Variants in CHMP5 observed in about 807,000 individuals in gnomAD.
CHMP5 encodes charged multivesicular body protein 5.
A neutral mutation model predicts 33.0 loss-of-function variants in CHMP5; 17 were observed. The observed-to-expected ratio is 0.52, with a 90% CI of 0.35 to 0.77. CHMP5 has a LOEUF of 0.77. Among genes scored for constraint, CHMP5 ranks in the 30% least tolerant of loss-of-function variants. The pLI is 0.01. For missense variants in CHMP5, 216 were observed against 261.5 expected (o/e 0.83, Z 1.20); for synonymous variants, 76 against 90.2 (o/e 0.84, Z 0.89).
At chr9:33,270,059 T>A (rs973833880) in intron 3 of CHMP5, among the ~76,000 whole-genome samples, 3 of 152,190 alleles carry the variant, frequency 2.0e-5, no homozygotes, top group African/African-American at 7.2e-5. Flanking sequence ...AATACAGTCA[T>A]GTGCTGCATA....
At chr9:33,268,253 T>G (rs1820752622) in intron 3 of CHMP5, among the ~76,000 whole-genome samples, 1 of 152,266 alleles carries the variant, frequency 6.6e-6, no homozygotes, top group Non-Finnish European at 1.5e-5. Flanking sequence ...TGACTACTGT[T>G]TTGGACTGAC....
intron 1 of CHMP5, 113 bp downstream of exon 1, chr9:33,265,260 A>G (rs1820696756): frequency 1.0e-6 from 1 of 971,992 alleles, no homozygotes; most frequent in South Asian, 1.3e-5. Flanking sequence ...TGGGCCCCTT[A>G]CACGTCGTCC....
chr9:33,279,161 G>GT (rs1421665594), intron 7 of CHMP5, among the ~76,000 whole-genome samples: 3 of 152,174 alleles, frequency 2.0e-5, no homozygotes, highest in Admixed American at 6.5e-5. Flanking sequence ...CTGGTCTCAG[G>GT]TGATCTGCCT....
At chr9:33,270,068 T>G (rs975408245) in intron 3 of CHMP5, among the ~76,000 whole-genome samples, 2 of 152,230 alleles carry the variant, frequency 1.3e-5, no homozygotes, top group East Asian at 3.8e-4. Context: ...ATGTGCTGCA[T>G]AACAATGTTT....
At chr9:33,271,295 T>G in intron 5 of CHMP5, 72 bp downstream of exon 5, 1 of 1,219,188 alleles carries the variant, frequency 8.2e-7, no homozygotes, top group African/African-American at 1.5e-5. Context: ...GTGCATGTGA[T>G]AGGAAGAGCA....
intron 3 of CHMP5, among the ~76,000 whole-genome samples, chr9:33,269,335 C>T (rs1820765401): frequency 6.6e-6 from 1 of 152,018 alleles, no homozygotes. Flanking sequence ...GAAACCCCAT[C>T]TCCACTAAAA....
intron 6 of CHMP5, among the ~76,000 whole-genome samples, chr9:33,277,457 TGGGACCTGAA>T (rs1161505807): frequency 6.6e-6 from 1 of 152,010 alleles, no homozygotes; most frequent in Non-Finnish European, 1.5e-5. Context: ...GAGAGAGGCA[TGGGACCTGAA>T]GGGTGAGTAG....
chr9:33,277,653 CTT>C (rs1186051433), intron 6 of CHMP5: 5 of 158,922 alleles, frequency 3.1e-5, no homozygotes, highest in African/African-American at 1.2e-4. Context: ...GTGGACAAGA[CTT>C]AATGATTGAC....
intron 5 of CHMP5, 52 bp from the exon 6 acceptor site, chr9:33,276,404 G>T: frequency 2.9e-6 from 3 of 1,033,776 alleles, no homozygotes; most frequent in Non-Finnish European, 4.5e-6. Flanking sequence ...GAAAAGGGTA[G>T]TTAAAAGAAA....
At chr9:33,270,601 A>G (rs1479029952) in intron 3 of CHMP5, 22 bp from the exon 4 acceptor site, 3 of 1,580,854 alleles carry the variant, frequency 1.9e-6, no homozygotes, top group East Asian at 2.2e-5. Flanking sequence ...TATATTTGCC[A>G]TTCTCAATTG....
In CHMP5 at chr9:33,270,690, C is replaced by T; in HGVS notation, c.289C>T (p.Gln97Ter). 1.2e-6 allele frequency: 2 copies of T among 1,613,976 alleles called. No individual in the cohort carries two copies. The highest frequency in any genetic ancestry group is 1.7e-6 in the Non-Finnish European group (2 of 1,179,856). The part of the protein sequence containing the change: ...FNMEQANYTI[Q>*]SLKDTKTTVD... Reference sequence around the variant, plus strand: ...CATGGAACAAGCCAATTATACCATCCAGTCTTTGAAGGACACCAAGACCAC... The same window carrying T: ...CATGGAACAAGCCAATTATACCATCTAGTCTTTGAAGGACACCAAGACCAC... The change falls in exon 4 of 8, where the codon CAG becomes TAG. Residue 97 changes from glutamine (Q) to a stop codon, truncating the protein, a stop_gained. Transcript: ENST00000223500. LOFTEE classifies it high-confidence loss of function.
intron 5 of CHMP5, among the ~76,000 whole-genome samples, chr9:33,275,008 G>A (rs1587799416): frequency 2.0e-5 from 3 of 152,098 alleles, no homozygotes; most frequent in Admixed American, 2.0e-4. Context: ...TTGAACTTGG[G>A]TATATCTGAC....
At chr9:33,270,458 G>A (rs1168904323) in intron 3 of CHMP5, among the ~76,000 whole-genome samples, 165 bp from the exon 4 acceptor site, 2 of 152,178 alleles carry the variant, frequency 1.3e-5, no homozygotes, top group African/African-American at 4.8e-5. Context: ...ATTTGTGTTA[G>A]AGTGATTAAA....
At position 33,270,629 on chromosome 9, in the gene CHMP5, G is replaced by A. The variant is rs752374603; in HGVS notation, c.228G>A (p.Glu76=). The A allele has an allele frequency of 2.5e-6, 4 of 1,613,676 alleles. No homozygotes were observed. The East Asian group carries it at 8.9e-5, about 36-fold the overall frequency. Residue 76 remains glutamate (E), a synonymous_variant, in exon 4 of 8, where the codon GAG becomes GAA. Coordinates refer to ENST00000223500, the MANE Select transcript of CHMP5 (RefSeq NM_016410.6). The part of the protein sequence containing the change: ...LRVLKQKRMY[E]QQRDNLAQQS... ...CTCAATTGACTCTAAAAAGGTATGA[G>A]CAGCAGCGGGACAATCTTGCCCAAC...
chr9:33,266,090 G>A lies in CHMP5; in HGVS notation c.150G>A (p.Lys50=), dbSNP rs755875918. The A allele has an allele frequency of 6.2e-7, 1 of 1,612,544 alleles. No individual in the cohort carries two copies. The highest frequency in any genetic ancestry group is 8.5e-7 in the Non-Finnish European group (1 of 1,178,774). ...AELVKYKDQI[K]KMREGPAKNM... Reference sequence around the variant, plus strand: ...TAGTGAAGTATAAGGATCAGATCAAGAAGATGAGAGAGGGTCCTGCAAAGG... The same window carrying A: ...TAGTGAAGTATAAGGATCAGATCAAAAAGATGAGAGAGGGTCCTGCAAAGG... Residue 50 remains lysine (K), a synonymous_variant, in exon 2 of 8, where the codon AAG becomes AAA. Transcript: ENST00000223500.
intron 2 of CHMP5, among the ~76,000 whole-genome samples, chr9:33,267,073 A>T (rs563983892): frequency 6.6e-6 from 1 of 152,246 alleles, no homozygotes; most frequent in Non-Finnish European, 1.5e-5. Flanking sequence ...GAGGTAATTG[A>T]TGTGACCTGT....
At position 33,265,054 on chromosome 9, in the gene CHMP5, T is replaced by C; in HGVS notation, c.-25T>C. 6.2e-7 allele frequency: 1 copy of C among 1,614,122 alleles called. No homozygotes were observed. The highest frequency in any genetic ancestry group is 1.3e-5 in the African/African-American group (1 of 75,076). On this transcript the variant is annotated 5_prime_UTR_variant, in exon 1 of 8. Transcript: ENST00000223500. ...TCCGTTTCTGGTTTTGCTCTAGTGTTTGGGTTTCTTCGCGGCTGCTCAAGA... is the reference window on the plus strand; with the variant it reads ...TCCGTTTCTGGTTTTGCTCTAGTGTCTGGGTTTCTTCGCGGCTGCTCAAGA...
At chr9:33,276,363 C>A in intron 5 of CHMP5, 93 bp from the exon 6 acceptor site, 1 of 672,718 alleles carries the variant, frequency 1.5e-6, no homozygotes, top group South Asian at 1.9e-5. Flanking sequence ...TTAAAAATTG[C>A]TCATGTCTAG....
chr9:33,276,606 C>A, intron 6 of CHMP5, 42 bp downstream of exon 6: 1 of 1,045,400 alleles, frequency 9.6e-7, no homozygotes, highest in Non-Finnish European at 1.5e-6. Context: ...TTTTGGAGTC[C>A]AAAAGCAACA....
Sources: allele counts gnomAD v4.1 joint callset (sites outside exome capture counted in the v4.1 genomes callset), GRCh38; gene constraint gnomAD v4.1.1; transcripts MANE v1.5; gene names NCBI Gene and HGNC (gene_info 2026-07-23, HGNC 2026-07-21).